The following IL1RAPL2 variants were observed in gnomAD, a reference collection of about 807,000 sequenced individuals.
IL1RAPL2 encodes the protein interleukin 1 receptor accessory protein like 2.
A neutral mutation model predicts 44.1 loss-of-function variants in IL1RAPL2; 3 were observed. The ratio of observed to expected loss-of-function variants is 0.07; its 90% CI spans 0.03 to 0.18. The LOEUF (loss-of-function observed/expected upper bound fraction) is 0.18, where lower values mean the gene tolerates loss of function less well. Among genes scored for constraint, IL1RAPL2 ranks in the 10% least tolerant of loss-of-function variants. IL1RAPL2 has a pLI of 1.00. For synonymous variants in IL1RAPL2, 181 were observed against 178.8 expected (o/e 1.01, Z -0.10); for missense variants, 391 against 496.4 (o/e 0.79, Z 2.02).
chrX:105,202,955 C>T (rs1449846599), intron 3 of IL1RAPL2, among the ~76,000 whole-genome samples: 22 of 111,335 alleles, frequency 2.0e-4, no homozygotes, highest in African/African-American at 6.5e-4. Flanking sequence ...ATTCTTAGAC[C>T]ATTCAGTCTC....
chrX:105,228,177 CTTGT>C (rs1301495491), intron 3 of IL1RAPL2, among the ~76,000 whole-genome samples: 2 of 112,050 alleles, frequency 1.8e-5, no homozygotes, highest in Non-Finnish European at 3.8e-5. Flanking sequence ...GACAGTAAAG[CTTGT>C]TTTAGTTTCC....
intron 6 of IL1RAPL2, among the ~76,000 whole-genome samples, chrX:105,702,973 C>A (rs2038132446): frequency 9.0e-6 from 1 of 111,040 alleles, no homozygotes; most frequent in Admixed American, 9.6e-5. Context: ...AAAATCAGGG[C>A]AATAGGAAAG....
rs189248357 is a variant in IL1RAPL2, at chrX:105,299,194, G to A, written c.697+31653G>A. On this transcript the variant is annotated intron_variant, in intron 5 of 10. Transcript: ENST00000372582. ...AGGTTTAATTGACATAGAAAAAATT[G>A]CATGTATTTAATGTAGACATTTTGA... is the stretch of plus-strand genomic sequence containing the variant. 1.2e-4 allele frequency among the ~76,000 whole-genome samples: 13 copies of A among 111,910 alleles called. No individual in the cohort carries two copies. In the East Asian group the frequency reaches 3.7e-3, roughly 32 times the overall value.
chrX:104,883,311 G>T (rs1301984775), intron 2 of IL1RAPL2, among the ~76,000 whole-genome samples: 1 of 111,546 alleles, frequency 9.0e-6, no homozygotes, highest in Non-Finnish European at 1.9e-5. Context: ...AAAGACACGG[G>T]TGTCAGGCTT....
chrX:104,585,356 A>ATAT (rs1280534057), intron 1 of IL1RAPL2, among the ~76,000 whole-genome samples: 388 of 27,020 alleles, frequency 0.014, 51 homozygotes, highest in African/African-American at 0.087. Context: ...TATATATTAT[A>ATAT]TATATTATAT....
chrX:105,263,494 A>C (rs2034377026), intron 4 of IL1RAPL2, among the ~76,000 whole-genome samples: 1 of 111,989 alleles, frequency 8.9e-6, no homozygotes, highest in African/African-American at 3.3e-5. Flanking sequence ...TATGATGATG[A>C]TATCTCAGAA....
chrX:105,121,181 A>G lies in IL1RAPL2; in HGVS notation c.83-74294A>G, dbSNP rs893680472. 2.7e-5 allele frequency among the ~76,000 whole-genome samples: 3 copies of G among 111,965 alleles called. No individual in the cohort carries two copies. The South Asian group carries it at 1.1e-3, about 42-fold the overall frequency. On this transcript the variant is annotated intron_variant, in intron 2 of 10. Coordinates refer to ENST00000372582, the MANE Select transcript of IL1RAPL2 (RefSeq NM_017416.2). Reference sequence around the variant, plus strand: ...AACAAGCGTCAGCTATAATTGGTAGAACAGCCTGACCTATTAATCCATAGA... The same window carrying G: ...AACAAGCGTCAGCTATAATTGGTAGGACAGCCTGACCTATTAATCCATAGA...
At chrX:105,272,966 G>A (rs1421458500) in intron 5 of IL1RAPL2, among the ~76,000 whole-genome samples, 2 of 111,520 alleles carry the variant, frequency 1.8e-5, no homozygotes, top group African/African-American at 6.5e-5. Flanking sequence ...TACTGTTAAT[G>A]CTGAGATTTT....
rs1217615960 is a variant in IL1RAPL2, at chrX:105,143,529, C to T, written c.83-51946C>T. 9.8e-5 allele frequency among the ~76,000 whole-genome samples: 11 copies of T among 111,947 alleles called. No homozygotes were observed. The Admixed American group carries it at 1.0e-3, about 11-fold the overall frequency. Reference sequence around the variant, plus strand: ...AAACTAGTTCAACCATTGTGGAAGACAGTGTGGCGATTCCTCAAGGATCTA... The same window carrying T: ...AAACTAGTTCAACCATTGTGGAAGATAGTGTGGCGATTCCTCAAGGATCTA... On this transcript the variant is annotated intron_variant, in intron 2 of 10. Transcript: ENST00000372582.
In IL1RAPL2 at chrX:104,922,989, A is replaced by G. The variant is rs773731219; in HGVS notation, c.82+263994A>G. ...CAAACAGAACTTCTGAAAATGAAAA[A>G]CTCACTGAAGAAATTTTAAAACACA... On this transcript the variant is annotated intron_variant, in intron 2 of 10. Transcript: ENST00000372582. 2.7e-5 allele frequency among the ~76,000 whole-genome samples: 3 copies of G among 111,296 alleles called. No homozygotes were observed. In the East Asian group the frequency reaches 8.5e-4, roughly 31 times the overall value.
intron 2 of IL1RAPL2, among the ~76,000 whole-genome samples, chrX:105,097,976 A>G (rs963720855): frequency 3.6e-5 from 4 of 111,740 alleles, no homozygotes; most frequent in Non-Finnish European, 1.9e-5. Context: ...GGAGCTGGGA[A>G]ATATACCCAT....
At chrX:105,513,231 G>A (rs1009181485) in intron 6 of IL1RAPL2, among the ~76,000 whole-genome samples, 5 of 111,432 alleles carry the variant, frequency 4.5e-5, no homozygotes, top group East Asian at 5.6e-4. Context: ...ATAAACATAC[G>A]TGTGCATGTG....
chrX:104,695,056 C>T (rs930460802), intron 2 of IL1RAPL2, among the ~76,000 whole-genome samples: 1 of 112,074 alleles, frequency 8.9e-6, no homozygotes, highest in Non-Finnish European at 1.9e-5. Context: ...TCTTGGTCTG[C>T]TACTTCTGCC....
chrX:105,726,003 T>A (rs1355533093), intron 7 of IL1RAPL2, among the ~76,000 whole-genome samples: 1 of 111,239 alleles, frequency 9.0e-6, no homozygotes, highest in African/African-American at 3.3e-5. Context: ...GATTCCAGGG[T>A]TGGTCTTATC....
In IL1RAPL2 at chrX:105,194,383, T is replaced by C. The variant is rs781926497; in HGVS notation, c.83-1092T>C. Among the ~76,000 whole-genome samples the C allele has an allele frequency of 5.3e-5, 6 of 112,233 alleles. No individual in the cohort carries two copies. The East Asian group carries it at 1.1e-3, about 21-fold the overall frequency. ...TCTGAGATGATTGTTTTTTAAAGGG[T>C]AATCAAGAAAAGTGAAAGGATACAG... On this transcript the variant is annotated intron_variant, in intron 2 of 10. Transcript: ENST00000372582.
chrX:104,914,690 A>C (rs1045054281), intron 2 of IL1RAPL2, among the ~76,000 whole-genome samples: 1 of 110,487 alleles, frequency 9.1e-6, no homozygotes. Context: ...AGCATTAGGT[A>C]TATCTCCTAA....
At chrX:104,582,822 C>CTTTCTCTCTCTTTCTTTCTTTCTT (rs748809592) in intron 1 of IL1RAPL2, among the ~76,000 whole-genome samples, 1 of 40,663 alleles carries the variant, frequency 2.5e-5, no homozygotes, top group Non-Finnish European at 4.2e-5. Context: ...TCCTTTCTTT[C>CTTTCTCTCTCTTTCTTTCTTTCTT]TCTTTCTTTC....
intron 2 of IL1RAPL2, among the ~76,000 whole-genome samples, chrX:105,073,585 G>T (rs1198912381): frequency 9.0e-6 from 1 of 110,911 alleles, no homozygotes; most frequent in African/African-American, 3.3e-5. Context: ...GTGTCAAATG[G>T]TATTTCTAGT....
chrX:105,409,888 G>T (rs1294332106), intron 5 of IL1RAPL2, among the ~76,000 whole-genome samples: 3 of 107,909 alleles, frequency 2.8e-5, no homozygotes, highest in South Asian at 8.5e-4. Context: ...TGTGGGGGGG[G>T]GGTTGGAAAA....
Sources: allele counts gnomAD v4.1 joint callset (sites outside exome capture counted in the v4.1 genomes callset), GRCh38; gene constraint gnomAD v4.1.1; transcripts MANE v1.5; gene names NCBI Gene and HGNC (gene_info 2026-07-23, HGNC 2026-07-21).